Variants in CPT1B observed in about 807,000 individuals in gnomAD.
The protein encoded by CPT1B is carnitine O-palmitoyltransferase 1, muscle isoform.
A neutral mutation model predicts 92.7 loss-of-function variants in CPT1B; 57 were observed. The ratio of observed to expected loss-of-function variants is 0.62; its 90% confidence interval spans 0.50 to 0.77. The LOEUF is 0.77. Among genes scored for constraint, CPT1B ranks in the 30% least tolerant of loss-of-function variants. The pLI, the probability that CPT1B is intolerant of heterozygous loss-of-function variation, is 0.00. For synonymous variants in CPT1B, 398 were observed against 383.5 expected, an observed-to-expected ratio of 1.04 and a Z score of -0.44; for missense variants, 983 against 1,017.4, an observed-to-expected ratio of 0.97 and a Z score of 0.46.
intron 12 of CPT1B, 30 bp from the exon 13 acceptor site, chr22:50,572,152 G>C (rs1385932381): frequency 1.2e-6 from 2 of 1,610,934 alleles, no homozygotes; most frequent in Non-Finnish European, 1.7e-6. Flanking sequence ...CTGAGAGGCT[G>C]GCCTCATCCC....
At chr22:50,575,974 C>T (rs927532296) in intron 7 of CPT1B, 61 bp downstream of exon 7, 75 of 1,529,474 alleles carry the variant, frequency 4.9e-5, no homozygotes, top group Non-Finnish European at 6.3e-5. Context: ...CTCCAGATCC[C>T]TTGCCTTGGA....
intron 11 of CPT1B, 127 bp downstream of exon 11, chr22:50,572,748 T>C: frequency 9.5e-7 from 1 of 1,055,870 alleles, no homozygotes; most frequent in Non-Finnish European, 1.4e-6. Context: ...GCCCCCAAAG[T>C]GCTAGGATCA....
rs139313667 is a variant in CPT1B at position 50,571,131 on chromosome 22, A to AC, written c.1875+26dup. 1.5e-3 allele frequency: 2,407 copies of AC among 1,613,084 alleles called. 31 individuals carry two copies. In the African/African-American group the frequency reaches 0.028, roughly 19 times the overall value. ...GGGGGCACCTCACCCGACGACTGTG[A>AC]CCCCCACATGGGCAGAGGACACTTA... On this transcript the variant is annotated intron_variant, in intron 15 of 19. Transcript: ENST00000312108.
chr22:50,573,770 A>G lies in CPT1B; in HGVS notation c.971-55T>C. On this transcript the variant is annotated intron_variant, in intron 9 of 19. Transcript: ENST00000312108. The surrounding 1 kb of genome is among the most constrained non-coding windows in gnomAD (Gnocchi z 5.0). ...CGGGGCCCCCAGCTACATCCTGGGA[A>G]GGGCCCACCTCCCATGCACTAGGTG... 6.6e-7 allele frequency: 1 copy of G among 1,504,170 alleles called. No individual in the cohort carries two copies. Among genetic ancestry groups the G allele is most frequent in the Non-Finnish European group, 9.1e-7 (1 of 1,093,780 alleles). The allele number at this position is 1,504,170 out of a possible 1,614,324, so 93.2% of individuals were successfully genotyped here. A position where few individuals can be genotyped will look rare whatever the true frequency, so the allele number is the denominator to read the frequency against.
chr22:50,575,170 C>T (rs1440952249), intron 7 of CPT1B, among the ~76,000 whole-genome samples: 5 of 152,030 alleles, frequency 3.3e-5, no homozygotes, highest in South Asian at 2.1e-4. Context: ...CCCACCACCA[C>T]GCCCGGCTAA....
Position 50,571,308 on chromosome 22 carries a change from G to A in CPT1B, c.1741-16C>T, listed in dbSNP as rs1453461389. The stretch of plus-strand genomic sequence containing the variant: ...TACCCCTGTCCTGGGATATACAGAG[G>A]GGTGAATCTGGCAGGTGGACCCTGG... On this transcript the variant is annotated splice_polypyrimidine_tract_variant and intron_variant, in intron 14 of 19. Transcript: ENST00000312108. 1.2e-6 allele frequency: 2 copies of A among 1,613,698 alleles called. No individual in the cohort carries two copies. The highest frequency in any genetic ancestry group is 1.7e-5 in the Admixed American group (1 of 60,020).
chr22:50,574,117 C>T (rs751354762), intron 9 of CPT1B, among the ~76,000 whole-genome samples: 3 of 152,218 alleles, frequency 2.0e-5, no homozygotes, highest in Admixed American at 1.3e-4. Context: ...CTTCACCATG[C>T]GCAGTGAGCC....
chr22:50,576,837 C>T lies in CPT1B; in HGVS notation c.459+20G>A. On this transcript the variant is annotated intron_variant, in intron 4 of 19. Coordinates refer to ENST00000312108, the MANE Select transcript of CPT1B (RefSeq NM_152246.3). ...AGTCTCAACCCAGGTGCCTGAACCC[C>T]TCCACTGGCTGCTGCTCACAGCCCA... The T allele has an allele frequency of 6.2e-7, 1 of 1,613,676 alleles. No individual in the cohort carries two copies. Among genetic ancestry groups the T allele is most frequent in the East Asian group, 2.2e-5 (1 of 44,888 alleles).
chr22:50,574,211 T>A, intron 9 of CPT1B, 124 bp downstream of exon 9: 1 of 765,910 alleles, frequency 1.3e-6, no homozygotes, highest in Non-Finnish European at 2.2e-6. Flanking sequence ...CTAGTATCTG[T>A]CACAATTGAC....
intron 7 of CPT1B, 50 bp downstream of exon 7, chr22:50,575,980 TTGGAG>T: frequency 6.4e-7 from 1 of 1,556,434 alleles, no homozygotes; most frequent in Non-Finnish European, 8.9e-7. Flanking sequence ...ATCCCTTGCC[TTGGAG>T]CTGGGACAGA....
At position 50,569,668 on chromosome 22, in the gene CPT1B, C is replaced by T; in HGVS notation, c.2143G>A (p.Val715Ile). 6.2e-7 allele frequency: 1 copy of T among 1,613,108 alleles called. No individual in the cohort carries two copies. The highest frequency in any genetic ancestry group is 2.2e-5 in the East Asian group (1 of 44,880). ...HLGAGGGFGPVADDGYGVSYM... is the reference protein window; with the variant it reads ...HLGAGGGFGPIADDGYGVSYM... Reference sequence around the variant, plus strand: ...GAAACTCCATAGCCATCATCTGCTACCTGAGGGCAACAAGAAGGGTGAAGA... The same window carrying T: ...GAAACTCCATAGCCATCATCTGCTATCTGAGGGCAACAAGAAGGGTGAAGA... The change falls in exon 18 of 20, where the codon GTA becomes ATA. Residue 715 changes from valine to isoleucine, a missense_variant and splice_region_variant. Transcript: ENST00000312108.
At chr22:50,571,619 T>G (rs1396649973) in intron 13 of CPT1B, 80 bp from the exon 14 acceptor site, 3 of 1,493,066 alleles carry the variant, frequency 2.0e-6, no homozygotes, top group Non-Finnish European at 2.7e-6. Flanking sequence ...GGCATGACGT[T>G]TAGCTGGTGG....
Position 50,576,294 on chromosome 22 carries a change from A to G in CPT1B, c.603T>C (p.Tyr201=). The change falls in exon 6 of 20, where the codon TAT becomes TAC. Residue 201 remains tyrosine (Y), a synonymous_variant. Coordinates refer to ENST00000312108, the MANE Select transcript of CPT1B (RefSeq NM_152246.3). ...CTTTGGCCAGCAACTCCATGCGGTA[A>G]TATTCCTCATCATCCAACAAGGGGC... The part of the protein sequence containing the change: ...SVRPLLDDEE[Y]YRMELLAKEF... 25 of 1,614,012 alleles carry G rather than the reference A, an allele frequency of 1.5e-5. No individual in the cohort carries two copies. The highest frequency in any genetic ancestry group is 2.1e-5 in the Non-Finnish European group (25 of 1,179,994).
In CPT1B at chr22:50,576,960, G is replaced by A. The variant is rs199841221; in HGVS notation, c.356C>T (p.Thr119Met). The A allele has an allele frequency of 3.4e-5, 55 of 1,613,980 alleles. No individual in the cohort carries two copies. Among genetic ancestry groups the A allele is most frequent in the Non-Finnish European group, 4.2e-5 (50 of 1,180,032 alleles). Residue 119 changes from threonine (T) to methionine (M), a missense_variant, in exon 4 of 20, where the codon ACG becomes ATG. Transcript: ENST00000312108. ...MAIFSTGVWV[T>M]GIFFFRQTLK... ...GGTTTGGCGGAAGAAGAAGATGCCC[G>A]TCACCCAGACGCCCGTGGAGAAGAT...
chr22:50,577,440 G>C lies in CPT1B; in HGVS notation c.165C>G (p.Tyr55Ter). Residue 55 changes from tyrosine (Y) to a stop codon, truncating the protein, a stop_gained, in exon 3 of 20, where the codon TAC (tyrosine) becomes TAG (stop). Coordinates refer to ENST00000312108, the MANE Select transcript of CPT1B (RefSeq NM_152246.3). LOFTEE classifies it high-confidence loss of function. The part of the protein sequence containing the change: ...RIKNGILRGV[Y>*]PGSPTSWLVV... ...CCAGCCAGCTGGTGGGGCTGCCAGGGTACACGCCCCTGAGGATGCCATTCT... is the reference window on the plus strand; with the variant it reads ...CCAGCCAGCTGGTGGGGCTGCCAGGCTACACGCCCCTGAGGATGCCATTCT... 1 of 1,613,796 alleles carries C rather than the reference G, an allele frequency of 6.2e-7. No homozygotes were observed. The highest frequency in any genetic ancestry group is 1.6e-4 in the Middle Eastern group (1 of 6,062).
At chr22:50,577,150 G>A in intron 3 of CPT1B, 116 bp from the exon 4 acceptor site, 3 of 1,392,136 alleles carry the variant, frequency 2.2e-6, no homozygotes, top group Non-Finnish European at 3.0e-6. Flanking sequence ...ACTCATGTCT[G>A]ACTGCATCAA....
rs771665203 is a variant in CPT1B at position 50,569,594 on chromosome 22, C to T, written c.2217G>A (p.Lys739=). The T allele has an allele frequency of 1.4e-5, 22 of 1,613,952 alleles. No homozygotes were observed. The African/African-American group carries it at 2.9e-4, about 22-fold the overall frequency. The part of the protein sequence containing the change: ...ENTIFFHISS[K]FSSSETNAQR... ...GACTCACCGTCTCTGAGCTTGAGAA[C>T]TTGCTGGAGATGTGGAAGAAGATCG... is the stretch of plus-strand genomic sequence containing the variant. The change falls in exon 18 of 20, where the codon AAG becomes AAA. Residue 739 remains lysine (K), a synonymous_variant. Transcript: ENST00000312108.
At chr22:50,574,862 G>C in intron 7 of CPT1B, 1 of 451,422 alleles carries the variant, frequency 2.2e-6, no homozygotes, top group East Asian at 4.1e-5. Flanking sequence ...GAGTGCAGCG[G>C]AACAAGCATG....
chr22:50,569,673 G>A lies in CPT1B; in HGVS notation c.2143-5C>T. 1 of 1,611,882 alleles carries A rather than the reference G, an allele frequency of 6.2e-7. No homozygotes were observed. The highest frequency in any genetic ancestry group is 2.2e-5 in the East Asian group (1 of 44,874). Reference sequence around the variant, plus strand: ...TCCATAGCCATCATCTGCTACCTGAGGGCAACAAGAAGGGTGAAGAAGGCA... The same window carrying A: ...TCCATAGCCATCATCTGCTACCTGAAGGCAACAAGAAGGGTGAAGAAGGCA... On this transcript the variant is annotated splice_region_variant and splice_polypyrimidine_tract_variant and intron_variant, in intron 17 of 19. Coordinates refer to ENST00000312108, the MANE Select transcript of CPT1B (RefSeq NM_152246.3).
Sources: gnomAD v4.1 joint callset for allele counts (sites outside exome capture counted in the v4.1 genomes callset) on GRCh38, gnomAD v4.1.1 for gene constraint, Gnocchi (gnomAD v3.1) non-coding constraint, MANE v1.5 for transcripts, NCBI Gene and HGNC (gene_info 2026-07-23, HGNC 2026-07-21) for gene names.